The following ABCG2 variants were observed in gnomAD, a reference collection of about 807,000 sequenced individuals.
The protein encoded by ABCG2 is ATP binding cassette subfamily G member 2 (JR blood group), also known as broad substrate specificity ATP-binding cassette transporter ABCG2.
In ABCG2, 80 loss-of-function variants were observed where a neutral mutation model predicts 73.5. The ratio of observed to expected loss-of-function variants is 1.09; its 90% CI spans 0.91 to 1.31. The LOEUF is 1.31. ABCG2 is among the 50% of genes most tolerant of loss of function. The pLI is 0.00. For synonymous variants in ABCG2, 269 were observed against 282.4 expected (o/e 0.95, Z 0.48); for missense variants, 796 against 786.2 (o/e 1.01, Z -0.15).
At chr4:88,145,853 T>G (rs1327866051) in intron 1 of ABCG2, among the ~76,000 whole-genome samples, 1 of 152,138 alleles carries the variant, frequency 6.6e-6, no homozygotes, top group Middle Eastern at 3.2e-3. Context: ...GAGAATCGCT[T>G]GAATTCAGAA....
chr4:88,114,366 C>A (rs1007869736), intron 8 of ABCG2, among the ~76,000 whole-genome samples: 2 of 152,214 alleles, frequency 1.3e-5, no homozygotes, highest in East Asian at 3.9e-4. Flanking sequence ...GTGGCTCACA[C>A]CTGTAATCCC....
At chr4:88,202,997 G>C (rs1207035396) in intron 1 of ABCG2, among the ~76,000 whole-genome samples, 1 of 152,032 alleles carries the variant, frequency 6.6e-6, no homozygotes, top group African/African-American at 2.4e-5. Context: ...TACACTAATA[G>C]GGTAGGTTTC....
chr4:88,111,399 G>C (rs934909086), intron 9 of ABCG2, among the ~76,000 whole-genome samples: 2 of 152,008 alleles, frequency 1.3e-5, no homozygotes, highest in African/African-American at 4.8e-5. Flanking sequence ...CAAATTATAC[G>C]TACCAAAAAC....
chr4:88,191,431 T>C (rs1206716396), intron 1 of ABCG2, among the ~76,000 whole-genome samples: 2 of 151,958 alleles, frequency 1.3e-5, no homozygotes, highest in Non-Finnish European at 2.9e-5. Context: ...CTAAAATAGC[T>C]ATAATCAAAA....
At chr4:88,115,871 T>C (rs1195719953) in intron 7 of ABCG2, among the ~76,000 whole-genome samples, 1 of 152,094 alleles carries the variant, frequency 6.6e-6, no homozygotes, top group Non-Finnish European at 1.5e-5. Context: ...GAACCCACAT[T>C]AGCAATGACT....
intron 1 of ABCG2, among the ~76,000 whole-genome samples, chr4:88,219,952 TTC>T (rs1389749862): frequency 7.1e-6 from 1 of 141,022 alleles, no homozygotes; most frequent in East Asian, 1.9e-4. Flanking sequence ...TCTCTAGAAC[TTC>T]TTTCATCTTC....
At chr4:88,209,079 G>T (rs1358115014) in intron 1 of ABCG2, among the ~76,000 whole-genome samples, 1 of 151,968 alleles carries the variant, frequency 6.6e-6, no homozygotes, top group East Asian at 1.9e-4. Context: ...TTGGGAGGCC[G>T]AGGCAGTCGG....
chr4:88,211,358 G>GACCCCCCCCC (rs1553900212), intron 1 of ABCG2, among the ~76,000 whole-genome samples: 1 of 33,648 alleles, frequency 3.0e-5, no homozygotes, highest in Non-Finnish European at 5.6e-5. Flanking sequence ...TTCAACCCCT[G>GACCCCCCCCC]CCCCACCCCC....
intron 10 of ABCG2, among the ~76,000 whole-genome samples, chr4:88,103,280 T>A (rs1722562544): frequency 6.6e-6 from 1 of 152,250 alleles, no homozygotes; most frequent in Non-Finnish European, 1.5e-5. Flanking sequence ...ATAATGATTC[T>A]GAAAAAGTAG....
At chr4:88,092,842 A>C (rs1721730099) in intron 15 of ABCG2, among the ~76,000 whole-genome samples, 1 of 152,236 alleles carries the variant, frequency 6.6e-6, no homozygotes, top group Non-Finnish European at 1.5e-5. Flanking sequence ...AGATGATCAA[A>C]GCTCTTACAG....
chr4:88,128,702 A>G (rs1184835265), intron 5 of ABCG2, among the ~76,000 whole-genome samples: 2 of 152,164 alleles, frequency 1.3e-5, no homozygotes, highest in Non-Finnish European at 2.9e-5. Flanking sequence ...GTTCTCACTC[A>G]TAAGTGGGAG....
chr4:88,158,586 C>T lies in ABCG2; in HGVS notation c.-220G>A. On this transcript the variant is annotated 5_prime_UTR_variant, in exon 1 of 16. Coordinates refer to ENST00000237612, the MANE Select transcript of ABCG2 (RefSeq NM_004827.3). ...CGTTCCTAAATCCTACCCAGTTCCT[C>T]CACAGGCTGCCTCCTTGCCGCGTCT... 1 of 456,432 alleles carries T rather than the reference C, an allele frequency of 2.2e-6. No homozygotes were observed. The highest frequency in any genetic ancestry group is 4.4e-6 in the Non-Finnish European group (1 of 226,978). The allele number at this position is 456,432 out of a possible 1,614,324, so 28.3% of individuals were successfully genotyped here.
chr4:88,181,327 G>T (rs745570703), intron 1 of ABCG2, among the ~76,000 whole-genome samples: 1 of 147,338 alleles, frequency 6.8e-6, no homozygotes, highest in Non-Finnish European at 1.5e-5. Context: ...TTGAACCCAG[G>T]AGGCAGAGGT....
chr4:88,130,878 GA>G (rs1474343204), intron 5 of ABCG2, among the ~76,000 whole-genome samples, 182 bp downstream of exon 5: 2 of 152,162 alleles, frequency 1.3e-5, no homozygotes, highest in African/African-American at 4.8e-5. Context: ...CCAATGTGAA[GA>G]TTTTTTTTCC....
chr4:88,140,081 A>G (rs1198013402), intron 1 of ABCG2, 67 bp from the exon 2 acceptor site: 1 of 1,324,456 alleles, frequency 7.6e-7, no homozygotes, highest in African/African-American at 1.5e-5. Context: ...CTAGGTGACA[A>G]TACATTTAAA....
chr4:88,186,800 T>C (rs918902148), intron 1 of ABCG2, among the ~76,000 whole-genome samples: 7 of 149,004 alleles, frequency 4.7e-5, no homozygotes, highest in Admixed American at 4.7e-4. Context: ...GCGCCTGTAG[T>C]CCCAGCTACT....
chr4:88,181,820 T>C (rs1413657602), intron 1 of ABCG2, among the ~76,000 whole-genome samples: 1 of 151,764 alleles, frequency 6.6e-6, no homozygotes, highest in African/African-American at 2.4e-5. Flanking sequence ...AATTAAAACA[T>C]ACTGCCAGAG....
chr4:88,127,824 G>A (rs1347402876), intron 5 of ABCG2, among the ~76,000 whole-genome samples: 4 of 151,772 alleles, frequency 2.6e-5, no homozygotes, highest in Non-Finnish European at 5.9e-5. Context: ...AGAAAACCTA[G>A]GCAATACCCT....
At chr4:88,220,067 CTAATA>C (rs1330238224) in intron 1 of ABCG2, among the ~76,000 whole-genome samples, 5 of 152,256 alleles carry the variant, frequency 3.3e-5, no homozygotes, top group Admixed American at 1.3e-4. Context: ...CCCTCACTAC[CTAATA>C]TAAGTGGAAT....
Sources: allele counts gnomAD v4.1 joint callset (sites outside exome capture counted in the v4.1 genomes callset), GRCh38; gene constraint gnomAD v4.1.1; transcripts MANE v1.5; gene names NCBI Gene and HGNC (gene_info 2026-07-23, HGNC 2026-07-21).